NPAS3: variants seen among roughly 807,000 people sequenced by gnomAD.
NPAS3 encodes neuronal PAS domain protein 3.
A neutral mutation model predicts 73.1 loss-of-function variants in NPAS3; 14 were observed. The observed-to-expected ratio is 0.19, with a 90% CI of 0.13 to 0.30. The LOEUF is 0.30. Among genes scored for constraint, NPAS3 ranks in the 10% least tolerant of loss-of-function variants. The pLI is 1.00. For missense variants in NPAS3, 1,096 were observed against 1,250.0 expected (o/e 0.88, Z 1.86); for synonymous variants, 620 against 541.5 (o/e 1.14, Z -2.01).
chr14:33,070,555 A>G (rs1218313028), intron 2 of NPAS3, among the ~76,000 whole-genome samples: 1 of 152,154 alleles, frequency 6.6e-6, no homozygotes, highest in Non-Finnish European at 1.5e-5. Flanking sequence ...GTAACAGGTA[A>G]ATATTGAACA....
chr14:33,753,878 G>A (rs1425826144), intron 7 of NPAS3, among the ~76,000 whole-genome samples: 1 of 152,116 alleles, frequency 6.6e-6, no homozygotes, highest in Non-Finnish European at 1.5e-5. Context: ...TCCTAAGTTA[G>A]CCATGCCTGA....
chr14:32,943,367 A>G (rs2036109969), intron 1 of NPAS3, among the ~76,000 whole-genome samples: 1 of 152,182 alleles, frequency 6.6e-6, no homozygotes, highest in Non-Finnish European at 1.5e-5. Flanking sequence ...TGATAATTTT[A>G]GTCATATGAA....
intron 4 of NPAS3, among the ~76,000 whole-genome samples, chr14:33,389,331 T>C (rs973457121): frequency 2.0e-5 from 3 of 152,242 alleles, no homozygotes; most frequent in African/African-American, 4.8e-5. Flanking sequence ...GTCATTTCTT[T>C]TAAGATCTGT....
intron 1 of NPAS3, among the ~76,000 whole-genome samples, chr14:33,021,761 A>G (rs952016181): frequency 2.0e-5 from 3 of 152,182 alleles, no homozygotes; most frequent in Admixed American, 2.0e-4. Flanking sequence ...TAGGTAATAA[A>G]TAAAATATTT....
At chr14:32,970,760 ATC>A (rs1185881048) in intron 1 of NPAS3, among the ~76,000 whole-genome samples, 1 of 152,086 alleles carries the variant, frequency 6.6e-6, no homozygotes, top group African/African-American at 2.4e-5. Flanking sequence ...TCATCCCAAT[ATC>A]TGCCTTCATC....
intron 2 of NPAS3, among the ~76,000 whole-genome samples, chr14:33,197,487 G>T (rs1403631096): frequency 6.6e-6 from 1 of 151,770 alleles, no homozygotes; most frequent in African/African-American, 2.4e-5. Flanking sequence ...ATCCCAGAGG[G>T]AAGCGTATAC....
intron 6 of NPAS3, among the ~76,000 whole-genome samples, chr14:33,690,809 CA>C (rs2060214424): frequency 6.8e-6 from 1 of 147,624 alleles, no homozygotes; most frequent in South Asian, 2.2e-4. Context: ...TCTGGATATT[CA>C]GTAAACTGGC....
At position 33,503,425 on chromosome 14, in the gene NPAS3, G is replaced by T. The variant is rs183740457; in HGVS notation, c.469-56696G>T. Among the ~76,000 whole-genome samples, 7 of 152,036 alleles carry T rather than the reference G, an allele frequency of 4.6e-5. No individual in the cohort carries two copies. The East Asian group carries it at 1.4e-3, about 30-fold the overall frequency. On this transcript the variant is annotated intron_variant, in intron 4 of 11. Transcript: ENST00000356141. ...ATGTATGAAAACATGTTTACATGTG[G>T]TAGTTGCTCAGTAAGTGATCAGAAA... is the stretch of plus-strand genomic sequence containing the variant.
At chr14:33,607,551 G>A (rs2057612083) in intron 5 of NPAS3, among the ~76,000 whole-genome samples, 1 of 152,156 alleles carries the variant, frequency 6.6e-6, no homozygotes, top group African/African-American at 2.4e-5. Context: ...AAAGGCATGA[G>A]GAAATGTTGA....
intron 3 of NPAS3, among the ~76,000 whole-genome samples, chr14:33,273,005 G>T (rs2041165238): frequency 6.6e-6 from 1 of 152,140 alleles, no homozygotes; most frequent in South Asian, 2.1e-4. Flanking sequence ...TAAATTACTT[G>T]GTATATTCTT....
chr14:33,157,130 A>G (rs1290375550), intron 2 of NPAS3, among the ~76,000 whole-genome samples: 1 of 152,232 alleles, frequency 6.6e-6, no homozygotes, highest in African/African-American at 2.4e-5. Context: ...GCTTTATGGC[A>G]TTGGTATGTA....
intron 1 of NPAS3, among the ~76,000 whole-genome samples, chr14:33,039,579 C>T (rs1305115168): frequency 2.0e-5 from 3 of 152,188 alleles, no homozygotes; most frequent in Non-Finnish European, 2.9e-5. Context: ...TGACCTGTTT[C>T]GTGACCTCCA....
intron 3 of NPAS3, among the ~76,000 whole-genome samples, chr14:33,299,962 A>G (rs1159419199): frequency 2.0e-5 from 3 of 152,152 alleles, no homozygotes; most frequent in Non-Finnish European, 4.4e-5. Flanking sequence ...CCTCATGATA[A>G]TTCAAAACCG....
chr14:33,767,309 G>C (rs911091054), intron 7 of NPAS3, among the ~76,000 whole-genome samples: 1 of 152,174 alleles, frequency 6.6e-6, no homozygotes, highest in African/African-American at 2.4e-5. Context: ...TTCAGATTAA[G>C]TTGTTATGCT....
At chr14:33,196,097 C>T (rs570470640) in intron 2 of NPAS3, among the ~76,000 whole-genome samples, 9 of 152,308 alleles carry the variant, frequency 5.9e-5, no homozygotes, top group Non-Finnish European at 7.3e-5. Context: ...TGGCAGAGTT[C>T]GGCCAGCGCT....
chr14:33,269,438 C>A (rs2040970226), intron 3 of NPAS3, among the ~76,000 whole-genome samples: 1 of 152,106 alleles, frequency 6.6e-6, no homozygotes, highest in African/African-American at 2.4e-5. Context: ...AGGTCTTGAA[C>A]CACTATGAAT....
At chr14:33,104,782 G>A (rs1169256907) in intron 2 of NPAS3, among the ~76,000 whole-genome samples, 2 of 152,160 alleles carry the variant, frequency 1.3e-5, no homozygotes, top group African/African-American at 4.8e-5. Flanking sequence ...CTCAATTCTA[G>A]TGGCACCAAT....
intron 4 of NPAS3, among the ~76,000 whole-genome samples, chr14:33,420,983 C>T (rs182029557): frequency 1.3e-5 from 2 of 152,030 alleles, no homozygotes; most frequent in East Asian, 3.9e-4. Context: ...GCTCATTGAG[C>T]CGTCCTCTGT....
intron 3 of NPAS3, among the ~76,000 whole-genome samples, chr14:33,250,735 T>G (rs1347631023): frequency 6.6e-6 from 1 of 152,086 alleles, no homozygotes; most frequent in Non-Finnish European, 1.5e-5. Flanking sequence ...GTTTTACGGT[T>G]GCTCATTTTT....
Sources: allele counts gnomAD v4.1 joint callset (sites outside exome capture counted in the v4.1 genomes callset), GRCh38; gene constraint gnomAD v4.1.1; transcripts MANE v1.5; gene names NCBI Gene and HGNC (gene_info 2026-07-23, HGNC 2026-07-21).